EML2: variants seen among roughly 807,000 people sequenced by gnomAD.
The protein encoded by EML2 is echinoderm microtubule-associated protein-like 2.
Under a neutral mutation model 84.7 loss-of-function variants are expected in EML2, and 59 were observed. The observed-to-expected ratio is 0.70, with a 90% CI of 0.56 to 0.86. The LOEUF (loss-of-function observed/expected upper bound fraction) is 0.86, where lower values mean the gene tolerates loss of function less well. Ranked by LOEUF, EML2 falls within the 40% of genes least tolerant of loss-of-function variation. The pLI, the probability that EML2 is intolerant of heterozygous loss-of-function variation, is 0.00. For synonymous variants in EML2, 352 were observed against 348.9 expected (o/e 1.01, Z -0.10); for missense variants, 818 against 855.6 (o/e 0.96, Z 0.55).
rs1289824293 is a variant in EML2 at position 45,635,895 on chromosome 19, G to T, written c.180-1424C>A. Among the ~76,000 whole-genome samples the T allele has an allele frequency of 4.6e-5, 7 of 151,890 alleles. No homozygotes were observed. The East Asian group carries it at 1.4e-3, about 29-fold the overall frequency. On this transcript the variant is annotated intron_variant, in intron 3 of 18. Coordinates refer to ENST00000245925, the MANE Select transcript of EML2 (RefSeq NM_012155.4). ...GCATGAGCCACCGCGCCCGGGCTAT[G>T]TCTGTTTCTTAATCCCCACAACTTG...
At chr19:45,615,719 A>C in intron 16 of EML2, 83 bp downstream of exon 16, 1 of 1,207,000 alleles carries the variant, frequency 8.3e-7, no homozygotes, top group South Asian at 1.2e-5. Context: ...CGAGGCTTGA[A>C]GCCCCTCCCT....
chr19:45,616,567 G>C lies in EML2; in HGVS notation c.1412-9C>G. 6.2e-7 allele frequency: 1 copy of C among 1,604,018 alleles called. No individual in the cohort carries two copies. The highest frequency in any genetic ancestry group is 8.5e-7 in the Non-Finnish European group (1 of 1,172,268). On this transcript the variant is annotated splice_polypyrimidine_tract_variant and intron_variant, in intron 14 of 18. Transcript: ENST00000245925. ...GGCCAGGTACGCCCCGTCTGGGGGA[G>C]GGGGAGGGGGGCTATGAGGAGGCAC...
At chr19:45,642,440 G>A (rs1974632258), upstream of EML2, 1 of 1,471,112 alleles carries the variant, frequency 6.8e-7, no homozygotes, top group Non-Finnish European at 9.0e-7. Context: ...TCTAAGCGGG[G>A]GGCCAGCCAC....
At chr19:45,621,011 G>A in intron 11 of EML2, 196 bp downstream of exon 11, 1 of 842,774 alleles carries the variant, frequency 1.2e-6, no homozygotes, top group Non-Finnish European at 1.9e-6. Context: ...CAGGGGCCTG[G>A]GGCCCCTCTG....
upstream of EML2, chr19:45,644,653 A>G: frequency 2.2e-6 from 1 of 454,960 alleles, no homozygotes; most frequent in East Asian, 7.0e-5. Flanking sequence ...CCCAGAGACC[A>G]GGCCTCACTT....
At chr19:45,643,012 G>GA (rs140599188), upstream of EML2, among the ~76,000 whole-genome samples, 2,302 of 149,656 alleles carry the variant, frequency 0.015, 59 homozygotes, top group African/African-American at 0.053. Flanking sequence ...AAAAGAAAAA[G>GA]AAAAAAAAGA....
chr19:45,641,617 G>T (rs1207206658), upstream of EML2: 2 of 1,533,798 alleles, frequency 1.3e-6, no homozygotes, highest in East Asian at 4.9e-5. Context: ...TCTTTCTGCG[G>T]CTTGACGCCG....
upstream of EML2, chr19:45,645,389 T>C (rs1312246955): frequency 2.0e-6 from 3 of 1,505,690 alleles, no homozygotes; most frequent in African/African-American, 2.9e-5. Flanking sequence ...CCGGGCCCGG[T>C]CCCCCCAACC....
In EML2 at chr19:45,638,594, C is replaced by T. The variant is rs1974056790; in HGVS notation, c.90G>A (p.Val30=). 6.2e-7 allele frequency: 1 copy of T among 1,613,970 alleles called. No individual in the cohort carries two copies. The highest frequency in any genetic ancestry group is 1.3e-5 in the African/African-American group (1 of 74,920). The part of the protein sequence containing the change: ...SVKMFLRGRP[V]PMMIPDELAP... ...CCAGCTCGTCTGGGATCATCATGGG[C>T]ACAGGGCGGCCCCTCAGGAACATTT... Residue 30 remains valine (V), a synonymous_variant, in exon 3 of 19, where the codon GTG becomes GTA. Coordinates refer to ENST00000245925, the MANE Select transcript of EML2 (RefSeq NM_012155.4).
Position 45,638,611 on chromosome 19 carries a change from G to C in EML2, c.73C>G (p.Leu25Val). 1 of 1,614,032 alleles carries C rather than the reference G, an allele frequency of 6.2e-7. No individual in the cohort carries two copies. Among genetic ancestry groups the C allele is most frequent in the Non-Finnish European group, 8.5e-7 (1 of 1,180,010 alleles). ...SVEDGSVKMFLRGRPVPMMIP... is the reference protein window; with the variant it reads ...SVEDGSVKMFVRGRPVPMMIP... Reference sequence around the variant, plus strand: ...ATCATGGGCACAGGGCGGCCCCTCAGGAACATTTTCACGGAGCCATCCTCT... The same window carrying C: ...ATCATGGGCACAGGGCGGCCCCTCACGAACATTTTCACGGAGCCATCCTCT... Residue 25 changes from leucine (L) to valine (V), a missense_variant, in exon 3 of 19, where the codon CTG becomes GTG. Leu to Val is a conservative substitution (Grantham distance 32). Coordinates refer to ENST00000245925, the MANE Select transcript of EML2 (RefSeq NM_012155.4).
At chr19:45,623,803 G>A (rs1971999405) in intron 9 of EML2, among the ~76,000 whole-genome samples, 1 of 152,030 alleles carries the variant, frequency 6.6e-6, no homozygotes, top group African/African-American at 2.4e-5. Context: ...TGCCTGCCTC[G>A]GCTTCCCAAA....
intron 6 of EML2, among the ~76,000 whole-genome samples, chr19:45,630,535 G>C (rs1374388371): frequency 7.1e-6 from 1 of 140,620 alleles, no homozygotes; most frequent in Non-Finnish European, 1.5e-5. Context: ...CTGGGTGACA[G>C]TGAGAGACTC....
Position 45,630,056 on chromosome 19 carries a change from A to G in EML2, c.511-10T>C. ...GCAGGTTGCCTCCATTCTAAAGAGG[A>G]GGAGAGAGGAGGGGGACAGAGGCAA... On this transcript the variant is annotated splice_polypyrimidine_tract_variant and intron_variant, in intron 6 of 18. Transcript: ENST00000245925. 1 of 1,603,716 alleles carries G rather than the reference A, an allele frequency of 6.2e-7. No homozygotes were observed. Among genetic ancestry groups the G allele is most frequent in the East Asian group, 2.2e-5 (1 of 44,728 alleles).
intron 8 of EML2, 94 bp downstream of exon 8, chr19:45,626,611 C>T: frequency 1.4e-6 from 2 of 1,440,222 alleles, no homozygotes; most frequent in Non-Finnish European, 1.9e-6. Flanking sequence ...TAATCCCAAA[C>T]CCCTGCCACC....
In EML2 at chr19:45,633,818, G is replaced by T. The variant is rs1973375918; in HGVS notation, c.329+504C>A. Among the ~76,000 whole-genome samples the T allele has an allele frequency of 2.0e-5, 3 of 152,162 alleles. No individual in the cohort carries two copies. The South Asian group carries it at 6.2e-4, about 32-fold the overall frequency. ...AGAGTGCAGTGGCAGGATCATAGCT[G>T]ACTGCAGCCTCCAACTCCTGGACTT... On this transcript the variant is annotated intron_variant, in intron 4 of 18. Coordinates refer to ENST00000245925, the MANE Select transcript of EML2 (RefSeq NM_012155.4).
At chr19:45,645,357 C>A, upstream of EML2, 1 of 1,528,966 alleles carries the variant, frequency 6.5e-7, no homozygotes, top group Non-Finnish European at 8.7e-7. Flanking sequence ...CCACAGCCAC[C>A]GCCGGCCCCC....
At chr19:45,610,915 G>A (rs891959590) in intron 18 of EML2, among the ~76,000 whole-genome samples, 4 of 152,152 alleles carry the variant, frequency 2.6e-5, no homozygotes, top group Non-Finnish European at 5.9e-5. Flanking sequence ...ATAAATAGAA[G>A]AAATAGCATG....
intron 18 of EML2, 58 bp from the exon 19 acceptor site, chr19:45,609,846 A>G (rs1970300928): frequency 1.3e-6 from 2 of 1,581,060 alleles, no homozygotes; most frequent in Non-Finnish European, 1.7e-6. Flanking sequence ...CCACCCCATC[A>G]TGGTCCTCTT....
At chr19:45,642,942 C>T (rs1476196450), upstream of EML2, 1 of 148,634 alleles carries the variant, frequency 6.7e-6, no homozygotes, top group East Asian at 2.0e-4. Flanking sequence ...GCCAAGATCG[C>T]GCCACTGCAC....
Sources: allele counts gnomAD v4.1 joint callset (sites outside exome capture counted in the v4.1 genomes callset), GRCh38; gene constraint gnomAD v4.1.1; transcripts MANE v1.5; gene names NCBI Gene and HGNC (gene_info 2026-07-23, HGNC 2026-07-21).